PSD3: variants seen among roughly 807,000 people sequenced by gnomAD.
PSD3 encodes PH and SEC7 domain-containing protein 3.
In PSD3, 49 loss-of-function variants were observed where a neutral mutation model predicts 105.5. The ratio of observed to expected loss-of-function variants is 0.46; its 90% CI spans 0.37 to 0.59. The LOEUF (loss-of-function observed/expected upper bound fraction) is 0.59, where lower values mean the gene tolerates loss of function less well. Among genes scored for constraint, PSD3 ranks in the 20% least tolerant of loss-of-function variants. The pLI, the probability that PSD3 is intolerant of heterozygous loss-of-function variation, is 0.00. For synonymous variants in PSD3, 557 were observed against 457.8 expected, an observed-to-expected ratio of 1.22 and a Z score of -2.77; for missense variants, 1,561 against 1,263.8, an observed-to-expected ratio of 1.24 and a Z score of -3.57.
At chr8:18,743,496 T>C (rs1490662017) in intron 9 of PSD3, among the ~76,000 whole-genome samples, 3 of 152,132 alleles carry the variant, frequency 2.0e-5, no homozygotes. Context: ...CAAACAGTCG[T>C]TCTCCTTGGT....
intron 9 of PSD3, among the ~76,000 whole-genome samples, chr8:18,692,328 A>G (rs1323071060): frequency 6.6e-6 from 1 of 152,212 alleles, no homozygotes; most frequent in African/African-American, 2.4e-5. Context: ...AACTGTGCCA[A>G]TACAATGGAA....
At chr8:18,934,445 C>G (rs1001021152) in intron 2 of PSD3, among the ~76,000 whole-genome samples, 3 of 152,116 alleles carry the variant, frequency 2.0e-5, no homozygotes, top group African/African-American at 7.2e-5. Context: ...GAGTCTCGCT[C>G]TATCGCCCAG....
intron 14 of PSD3, among the ~76,000 whole-genome samples, chr8:18,567,994 T>G (rs1484334712): frequency 6.6e-6 from 1 of 152,170 alleles, no homozygotes. Context: ...GAAAGTGGGT[T>G]GTTAAAAAGA....
At chr8:18,905,533 G>C (rs1377700856) in intron 2 of PSD3, among the ~76,000 whole-genome samples, 2 of 152,134 alleles carry the variant, frequency 1.3e-5, no homozygotes, top group Non-Finnish European at 2.9e-5. Flanking sequence ...TATTGGTCAG[G>C]CTGGTCTCGA....
chr8:18,695,546 C>T (rs78416413), intron 9 of PSD3, among the ~76,000 whole-genome samples: 3,291 of 152,072 alleles, frequency 0.022, 220 homozygotes, highest in East Asian at 0.14. Context: ...CTGACACATA[C>T]GAAACAATAC....
intron 10 of PSD3, among the ~76,000 whole-genome samples, chr8:18,647,956 G>A (rs1381992717): frequency 4.6e-5 from 7 of 152,208 alleles, no homozygotes; most frequent in South Asian, 2.1e-4. Flanking sequence ...AAAGTTTCCC[G>A]AGGCCTCCCC....
intron 11 of PSD3, among the ~76,000 whole-genome samples, chr8:18,616,196 G>A (rs531873958): frequency 9.8e-4 from 150 of 152,338 alleles, no homozygotes; most frequent in Non-Finnish European, 1.6e-3. Context: ...GCTGCTCCAC[G>A]ATGGCCTCTT....
intron 10 of PSD3, among the ~76,000 whole-genome samples, chr8:18,637,866 T>A (rs1471229584): frequency 6.6e-6 from 1 of 152,118 alleles, no homozygotes. Context: ...ATCATTAAGA[T>A]TCAGTACTGG....
chr8:19,052,487 A>G (rs1828566031), intron 1 of PSD3, among the ~76,000 whole-genome samples: 1 of 150,906 alleles, frequency 6.6e-6, no homozygotes. Flanking sequence ...AAAAAAAAAG[A>G]AAAAGAAAAA....
intron 3 of PSD3, among the ~76,000 whole-genome samples, chr8:18,870,388 A>G (rs888749381): frequency 1.3e-5 from 2 of 152,162 alleles, no homozygotes; most frequent in African/African-American, 4.8e-5. Flanking sequence ...GCTGGTGTAG[A>G]TGTCAGAAAT....
chr8:18,764,544 T>C (rs911057804), intron 9 of PSD3, among the ~76,000 whole-genome samples: 2 of 152,188 alleles, frequency 1.3e-5, no homozygotes, highest in Admixed American at 6.5e-5. Flanking sequence ...TCATTTACCA[T>C]AGTAGATAAG....
intron 9 of PSD3, among the ~76,000 whole-genome samples, chr8:18,742,900 G>A (rs1006252952): frequency 1.3e-5 from 2 of 152,126 alleles, no homozygotes; most frequent in Non-Finnish European, 2.9e-5. Flanking sequence ...TCCAAGTTAA[G>A]ACCCACATTT....
intron 2 of PSD3, among the ~76,000 whole-genome samples, chr8:18,935,476 G>A (rs1822049619): frequency 2.0e-5 from 3 of 146,514 alleles, no homozygotes. Context: ...AGGAGTTTGA[G>A]ACCAGCCTAG....
chr8:18,605,633 G>A (rs1804771527), intron 11 of PSD3, among the ~76,000 whole-genome samples: 1 of 152,150 alleles, frequency 6.6e-6, no homozygotes, highest in Non-Finnish European at 1.5e-5. Context: ...GAGGGGCCTG[G>A]GGCGGAATGA....
At chr8:18,559,279 ATGT>A in intron 14 of PSD3, among the ~76,000 whole-genome samples, 1 of 152,286 alleles carries the variant, frequency 6.6e-6, no homozygotes, top group East Asian at 1.9e-4. Context: ...TCAAAATGTG[ATGT>A]TATTATACTT....
At chr8:18,595,840 C>T (rs1326675966) in intron 12 of PSD3, among the ~76,000 whole-genome samples, 3 of 151,906 alleles carry the variant, frequency 2.0e-5, no homozygotes, top group Admixed American at 2.0e-4. Context: ...CTATAATGTA[C>T]AGAACTTCTA....
intron 2 of PSD3, among the ~76,000 whole-genome samples, chr8:18,895,832 T>G (rs1819114949): frequency 6.6e-6 from 1 of 152,256 alleles, no homozygotes; most frequent in South Asian, 2.1e-4. Context: ...TTTCGGCTAT[T>G]TGAAAATATA....
chr8:18,871,110 A>G (rs150300784), intron 3 of PSD3, among the ~76,000 whole-genome samples: 17 of 152,320 alleles, frequency 1.1e-4, no homozygotes, highest in African/African-American at 4.1e-4. Flanking sequence ...GTATAAATAA[A>G]TAAACAAACA....
intron 14 of PSD3, among the ~76,000 whole-genome samples, chr8:18,559,028 CT>C (rs1274807515): frequency 6.6e-6 from 1 of 152,066 alleles, no homozygotes; most frequent in Non-Finnish European, 1.5e-5. Context: ...GGATATTTAG[CT>C]TGTTTTCAGG....
Sources: allele counts gnomAD v4.1 joint callset (sites outside exome capture counted in the v4.1 genomes callset), GRCh38; gene constraint gnomAD v4.1.1; transcripts MANE v1.5; gene names NCBI Gene and HGNC (gene_info 2026-07-23, HGNC 2026-07-21).